TNRC6A: variants seen among roughly 807,000 people sequenced by gnomAD.
The protein encoded by TNRC6A is trinucleotide repeat-containing gene 6A protein.
TNRC6A carries 44 observed loss-of-function variants against 221.2 expected under a neutral mutation model. That is an observed-to-expected ratio of 0.20 (90% CI 0.16 to 0.26). The LOEUF is 0.26. Ranked by LOEUF, TNRC6A falls within the 10% of genes least tolerant of loss-of-function variation. TNRC6A has a pLI of 1.00. For synonymous variants in TNRC6A, 847 were observed against 838.5 expected, an observed-to-expected ratio of 1.01 and a Z score of -0.18; for missense variants, 2,199 against 2,404.4, an observed-to-expected ratio of 0.91 and a Z score of 1.79.
At chr16:24,698,134 C>A (rs929232821) in intron 2 of TNRC6A, among the ~76,000 whole-genome samples, 1 of 151,852 alleles carries the variant, frequency 6.6e-6, no homozygotes, top group South Asian at 2.1e-4. Flanking sequence ...TTGAGACCAG[C>A]CTGGGCAACA....
At chr16:24,805,175 T>G in intron 14 of TNRC6A, 24 bp downstream of exon 14, 1 of 1,611,158 alleles carries the variant, frequency 6.2e-7, no homozygotes, top group African/African-American at 1.3e-5. Flanking sequence ...CCTTACATTC[T>G]CCTGTTTACC....
At chr16:24,694,096 A>T (rs2055809228) in intron 2 of TNRC6A, among the ~76,000 whole-genome samples, 1 of 152,190 alleles carries the variant, frequency 6.6e-6, no homozygotes, top group Admixed American at 6.5e-5. Flanking sequence ...AGGGGAGCAG[A>T]AGAGTCCCCA....
intron 2 of TNRC6A, among the ~76,000 whole-genome samples, chr16:24,656,141 C>CAAAAA (rs551183501): frequency 1.8e-5 from 2 of 112,652 alleles, no homozygotes; most frequent in Non-Finnish European, 3.7e-5. Context: ...GACCTTGTCT[C>CAAAAA]AAAAAAAAAA....
At chr16:24,721,651 A>G (rs780835287) in intron 2 of TNRC6A, among the ~76,000 whole-genome samples, 1 of 152,140 alleles carries the variant, frequency 6.6e-6, no homozygotes, top group Non-Finnish European at 1.5e-5. Context: ...TACAAATAAT[A>G]CAAAAATTAG....
chr16:24,683,678 C>T (rs1200948378), intron 2 of TNRC6A, among the ~76,000 whole-genome samples: 1 of 152,178 alleles, frequency 6.6e-6, no homozygotes, highest in Non-Finnish European at 1.5e-5. Context: ...TTTCTGCCAC[C>T]GACTAGCTGT....
In TNRC6A at chr16:24,660,989, T is replaced by C. The variant is rs577551441; in HGVS notation, n.402+19980T>C. ...ATCTCCTGACCTCGTGATCCACCCA[T>C]CTCGGCCTCCCAAAGTGCTGGGATT... On this transcript the variant is annotated intron_variant and non_coding_transcript_variant, in intron 2 of 2. Transcript: ENST00000566108. Among the ~76,000 whole-genome samples, 581 of 152,000 alleles carry C rather than the reference T, an allele frequency of 3.8e-3. 4 individuals carry two copies. Among genetic ancestry groups the C allele is most frequent in the African/African-American group, 0.013 (540 of 41,474 alleles).
At chr16:24,819,863 T>G in intron 21 of TNRC6A, 3 of 435,814 alleles carry the variant, frequency 6.9e-6, no homozygotes, top group Non-Finnish European at 8.2e-6. Context: ...TCAGATTGTT[T>G]TCCATTTCAG....
rs1230337402 is a variant in TNRC6A at position 24,790,220 on chromosome 16, T to G, written c.1578T>G (p.Gly526=). 3 of 1,614,014 alleles carry G rather than the reference T, an allele frequency of 1.9e-6. No homozygotes were observed. Among genetic ancestry groups the G allele is most frequent in the Non-Finnish European group, 2.5e-6 (3 of 1,180,040 alleles). Residue 526 remains glycine, a synonymous_variant, in exon 6 of 25, where the codon GGT becomes GGG. Transcript: ENST00000395799. Reference sequence around the variant, plus strand: ...ATGGTACTACATGGGGTGCCTATGGTTCTAATTACTCTGGAGACAAATGTT... The same window carrying G: ...ATGGTACTACATGGGGTGCCTATGGGTCTAATTACTCTGGAGACAAATGTT... ...GSYGTTWGAY[G]SNYSGDKCSG...
intron 4 of TNRC6A, among the ~76,000 whole-genome samples, chr16:24,759,965 T>G (rs986637757): frequency 6.6e-6 from 1 of 151,848 alleles, no homozygotes; most frequent in Non-Finnish European, 1.5e-5. Flanking sequence ...TCCCCACCCC[T>G]CTCCCCCACA....
At chr16:24,719,668 A>C (rs1034541870) in intron 2 of TNRC6A, among the ~76,000 whole-genome samples, 1 of 151,870 alleles carries the variant, frequency 6.6e-6, no homozygotes, top group Non-Finnish European at 1.5e-5. Flanking sequence ...CAAAAAAATT[A>C]AAAAAATAAA....
chr16:24,690,112 C>T (rs2142121608), intron 2 of TNRC6A, among the ~76,000 whole-genome samples: 1 of 145,166 alleles, frequency 6.9e-6, no homozygotes, highest in South Asian at 2.3e-4. Flanking sequence ...TGGGCTCAAA[C>T]AATCTTCTTG....
rs945633005 is a variant in TNRC6A, at chr16:24,664,526, AAT to A, written n.402+23526_402+23527del. ...AAATATAATAATATATAATAAATAT[AAT>A]ATATATATTTTTAAAATATAATATA... On this transcript the variant is annotated intron_variant and non_coding_transcript_variant, in intron 2 of 2. Transcript: ENST00000566108. Among the ~76,000 whole-genome samples, 371 of 143,206 alleles carry A rather than the reference AAT, an allele frequency of 2.6e-3. 1 individual carries two copies. The highest frequency in any genetic ancestry group is 8.8e-3 in the African/African-American group (347 of 39,492). 93.9% of individuals were successfully genotyped at this position (143,206 alleles called of 152,430 possible).
chr16:24,683,933 AC>A (rs1426035419), intron 2 of TNRC6A, among the ~76,000 whole-genome samples: 1 of 152,146 alleles, frequency 6.6e-6, no homozygotes, highest in Non-Finnish European at 1.5e-5. Flanking sequence ...TAGACTCTGC[AC>A]CCTAAAGCCA....
At chr16:24,675,684 CTCTCTCTCTCTCTCTCTCTATATA>C (rs1205017974) in intron 2 of TNRC6A, among the ~76,000 whole-genome samples, 1 of 81,650 alleles carries the variant, frequency 1.2e-5, no homozygotes, top group African/African-American at 5.3e-5. Flanking sequence ...CTCTCTCTCT[CTCTCTCTCTCTCTCTCTCTATATA>C]TATATATATA....
At chr16:24,792,220 A>AT (rs59536143) in intron 6 of TNRC6A, among the ~76,000 whole-genome samples, 1,604 of 148,638 alleles carry the variant, frequency 0.011, 18 homozygotes, top group African/African-American at 0.021. Flanking sequence ...TTTAGAAGGG[A>AT]TTTTTTTTTT....
At chr16:24,722,496 C>T (rs2151096267) in intron 2 of TNRC6A, among the ~76,000 whole-genome samples, 1 of 152,032 alleles carries the variant, frequency 6.6e-6, no homozygotes, top group African/African-American at 2.4e-5. Context: ...AGTGCAGTGG[C>T]ATGATCTTGG....
chr16:24,669,047 T>G (rs1408195919), intron 2 of TNRC6A, among the ~76,000 whole-genome samples: 2 of 152,026 alleles, frequency 1.3e-5, no homozygotes, highest in African/African-American at 4.8e-5. Flanking sequence ...CCAGATTTCT[T>G]CAAACCACAT....
chr16:24,622,174 C>A (rs918806889), intron 1 of TNRC6A, among the ~76,000 whole-genome samples: 1 of 152,106 alleles, frequency 6.6e-6, no homozygotes, highest in Non-Finnish European at 1.5e-5. Context: ...AATCCCAACA[C>A]TTTGAGAGGC....
chr16:24,731,186 G>A (rs1027479969), intron 2 of TNRC6A, among the ~76,000 whole-genome samples: 3 of 151,924 alleles, frequency 2.0e-5, no homozygotes, highest in Admixed American at 1.3e-4. Context: ...CCAAATCCGT[G>A]AATAGCTTTC....
Sources: gnomAD v4.1 joint callset for allele counts (sites outside exome capture counted in the v4.1 genomes callset) on GRCh38, gnomAD v4.1.1 for gene constraint, MANE v1.5 for transcripts, NCBI Gene and HGNC (gene_info 2026-07-23, HGNC 2026-07-21) for gene names.